The following ESRRG variants were observed in gnomAD, a reference collection of about 807,000 sequenced individuals.
ESRRG encodes the protein estrogen-related receptor gamma.
ESRRG carries 13 observed loss-of-function variants against 44.0 expected under a neutral mutation model. The observed-to-expected ratio is 0.30, with a 90% CI of 0.19 to 0.47. The LOEUF (loss-of-function observed/expected upper bound fraction) is 0.47, where lower values mean the gene tolerates loss of function less well. Among genes scored for constraint, ESRRG ranks in the 20% least tolerant of loss-of-function variants. The pLI, the probability that ESRRG is intolerant of heterozygous loss-of-function variation, is 1.00. For missense variants in ESRRG, 395 were observed against 580.6 expected, an observed-to-expected ratio of 0.68 and a Z score of 3.29; for synonymous variants, 215 against 214.6, an observed-to-expected ratio of 1.00 and a Z score of -0.02.
Position 216,506,045 on chromosome 1 carries a change from T to G in ESRRG, c.*894A>C, listed in dbSNP as rs1342826603. 1 of 152,700 alleles carries G rather than the reference T, an allele frequency of 6.5e-6. No homozygotes were observed. The highest frequency in any genetic ancestry group is 1.5e-5 in the Non-Finnish European group (1 of 68,102). The allele number at this position is 152,700 out of a possible 1,614,324, so 9.5% of individuals were successfully genotyped here. ...GCATGAATGAATAAAGCTTAAACTA[T>G]TCCCTGAAAAAGTTACATAGTAGCT... On this transcript the variant is annotated 3_prime_UTR_variant, in exon 7 of 7. Coordinates refer to ENST00000408911, the MANE Select transcript of ESRRG (RefSeq NM_001438.4).
At chr1:216,896,214 A>G (rs1158847261) in intron 2 of ESRRG, among the ~76,000 whole-genome samples, 3 of 152,218 alleles carry the variant, frequency 2.0e-5, no homozygotes, top group African/African-American at 7.2e-5. Context: ...GGGAGGAAAG[A>G]AGAACTACTC....
intron 1 of ESRRG, among the ~76,000 whole-genome samples, chr1:217,121,836 G>A (rs1490666922): frequency 6.6e-6 from 1 of 152,136 alleles, no homozygotes; most frequent in Non-Finnish European, 1.5e-5. Context: ...TAATGTTTCA[G>A]CCAAGAACAT....
intron 2 of ESRRG, among the ~76,000 whole-genome samples, chr1:216,907,561 G>T (rs954180528): frequency 1.3e-5 from 2 of 152,074 alleles, no homozygotes; most frequent in African/African-American, 4.8e-5. Flanking sequence ...ACTACTATTG[G>T]CCTCGCTGAA....
intron 2 of ESRRG, among the ~76,000 whole-genome samples, chr1:216,931,835 C>CAAAA (rs56050369): frequency 3.3e-3 from 427 of 130,928 alleles, no homozygotes; most frequent in East Asian, 9.9e-3. Flanking sequence ...TGAGAAACCA[C>CAAAA]AAAAAAAAAA....
intron 2 of ESRRG, among the ~76,000 whole-genome samples, chr1:216,883,195 TG>T (rs1163455169): frequency 6.6e-6 from 1 of 151,850 alleles, no homozygotes; most frequent in Admixed American, 6.6e-5. Flanking sequence ...CTGGCCAACT[TG>T]GTGAAAGAAA....
intron 1 of ESRRG, among the ~76,000 whole-genome samples, chr1:217,065,559 C>T (rs1409646025): frequency 6.6e-6 from 1 of 152,188 alleles, no homozygotes; most frequent in Non-Finnish European, 1.5e-5. Flanking sequence ...GGGAAGGAGG[C>T]TTAGAGAACA....
chr1:216,779,171 A>T (rs1199700025), intron 2 of ESRRG, among the ~76,000 whole-genome samples: 6 of 84,262 alleles, frequency 7.1e-5, no homozygotes, highest in Non-Finnish European at 9.5e-5. Flanking sequence ...ATAAATATAT[A>T]TATAATTATA....
At chr1:217,007,891 G>A (rs974266666) in intron 1 of ESRRG, among the ~76,000 whole-genome samples, 1 of 152,148 alleles carries the variant, frequency 6.6e-6, no homozygotes, top group African/African-American at 2.4e-5. Context: ...AGCAGGTGCA[G>A]GGGGAGGAAA....
intron 3 of ESRRG, among the ~76,000 whole-genome samples, chr1:216,625,864 T>C (rs1409490436): frequency 1.3e-5 from 2 of 152,212 alleles, no homozygotes; most frequent in Non-Finnish European, 2.9e-5. Context: ...ATCCACTGTT[T>C]CTTTCTGTGT....
At chr1:216,565,984 G>GT (rs5780895) in intron 4 of ESRRG, among the ~76,000 whole-genome samples, 102,204 of 149,462 alleles carry the variant, frequency 0.68, 35,203 homozygotes, top group African/African-American at 0.77. Context: ...GATTCTAGTT[G>GT]TTTTTTTTTT....
chr1:216,732,613 C>T (rs894615461), intron 2 of ESRRG, among the ~76,000 whole-genome samples: 4 of 151,784 alleles, frequency 2.6e-5, no homozygotes, highest in African/African-American at 9.7e-5. Flanking sequence ...CTGACCTCAG[C>T]TGATCTGCCC....
rs551360946 is a variant in ESRRG at position 217,119,777 on chromosome 1, C to T, written c.-230+17890G>A. On this transcript the variant is annotated intron_variant, in intron 1 of 8. Transcript: ENST00000366940. ...CTTAAGGTTTAATTACATTTTGTGT[C>T]ATAATGTAACTTCTTAGCCAGGGAT... Among the ~76,000 whole-genome samples the T allele has an allele frequency of 2.2e-3, 341 of 152,296 alleles. 2 individuals are homozygous for T. The highest frequency in any genetic ancestry group is 7.8e-3 in the African/African-American group (324 of 41,558).
At chr1:216,706,128 G>A (rs542649947) in intron 1 of ESRRG, among the ~76,000 whole-genome samples, 45 of 152,260 alleles carry the variant, frequency 3.0e-4, no homozygotes, top group Non-Finnish European at 3.5e-4. Flanking sequence ...TAAGACTACG[G>A]TGAAGGTTTC....
intron 3 of ESRRG, among the ~76,000 whole-genome samples, chr1:216,598,115 A>G (rs2058695971): frequency 6.6e-6 from 1 of 152,248 alleles, no homozygotes; most frequent in African/African-American, 2.4e-5. Flanking sequence ...AAGGAATGGA[A>G]GGGCATCTTT....
intron 2 of ESRRG, among the ~76,000 whole-genome samples, chr1:216,670,384 T>C (rs370897592): frequency 6.6e-6 from 1 of 152,342 alleles, no homozygotes; most frequent in South Asian, 2.1e-4. Flanking sequence ...GGAAAATGAC[T>C]AATCTTAATG....
At chr1:216,717,768 T>C (rs890088209) in intron 1 of ESRRG, among the ~76,000 whole-genome samples, 3 of 151,802 alleles carry the variant, frequency 2.0e-5, no homozygotes, top group African/African-American at 7.2e-5. Flanking sequence ...ATATAATACT[T>C]ATAGTTTTAT....
intron 1 of ESRRG, among the ~76,000 whole-genome samples, chr1:217,107,364 C>T (rs907324847): frequency 6.6e-6 from 1 of 152,188 alleles, no homozygotes; most frequent in Admixed American, 6.5e-5. Flanking sequence ...CTTTACCCAG[C>T]ATTCAGGTGA....
rs536157810 is a variant in ESRRG at position 216,843,266 on chromosome 1, C to G, written c.-14+96316G>C. On this transcript the variant is annotated intron_variant, in intron 2 of 7. Transcript: ENST00000359162. ...TGTGAGGCTATTTTTGCTACTACAA[C>G]ATGGCAAGCAGGGAGTTTCAAGATT... Among the ~76,000 whole-genome samples, 162 of 151,528 alleles carry G rather than the reference C, an allele frequency of 1.1e-3. 1 individual carries two copies. The highest frequency in any genetic ancestry group is 1.9e-3 in the Non-Finnish European group (132 of 67,940).
At chr1:216,629,586 A>C (rs866607881) in intron 3 of ESRRG, among the ~76,000 whole-genome samples, 4 of 152,352 alleles carry the variant, frequency 2.6e-5, no homozygotes, top group Middle Eastern at 3.4e-3. Context: ...AGCAGACTCT[A>C]ATCAAGTGTG....
Sources: gnomAD v4.1 joint callset for allele counts (sites outside exome capture counted in the v4.1 genomes callset) on GRCh38, gnomAD v4.1.1 for gene constraint, MANE v1.5 for transcripts, NCBI Gene and HGNC (gene_info 2026-07-23, HGNC 2026-07-21) for gene names.